Variants in DYRK1A observed in about 807,000 individuals in gnomAD.
The protein encoded by DYRK1A is dual specificity tyrosine phosphorylation regulated kinase 1A.
A neutral mutation model predicts 79.7 loss-of-function variants in DYRK1A; 9 were observed. That is an observed-to-expected ratio of 0.11 (90% CI 0.07 to 0.20). The LOEUF (loss-of-function observed/expected upper bound fraction) is 0.20, where lower values mean the gene tolerates loss of function less well. Among genes scored for constraint, DYRK1A ranks in the 10% least tolerant of loss-of-function variants. DYRK1A has a pLI of 1.00. For missense variants in DYRK1A, 622 were observed against 956.0 expected, an observed-to-expected ratio of 0.65 and a Z score of 4.61; for synonymous variants, 349 against 329.7, an observed-to-expected ratio of 1.06 and a Z score of -0.63.
rs541208005 is a variant in DYRK1A, at chr21:37,515,094, G to A, written c.*2563G>A. 6.6e-6 allele frequency: 1 copy of A among 152,644 alleles called. No homozygotes were observed. The highest frequency in any genetic ancestry group is 1.9e-4 in the East Asian group (1 of 5,184). The allele number at this position is 152,644 out of a possible 1,614,324, so 9.5% of individuals were successfully genotyped here. ...CTAGTCCGGACTTGCTGTGTATATT[G>A]TAACGTTAAATGAAAAAAGAACCCC... On this transcript the variant is annotated 3_prime_UTR_variant, in exon 12 of 12. Transcript: ENST00000647188.
intron 1 of DYRK1A, among the ~76,000 whole-genome samples, chr21:37,389,941 A>G (rs1311404681): frequency 4.8e-5 from 6 of 125,468 alleles, no homozygotes; most frequent in Admixed American, 3.1e-4. Context: ...TTTTTTTTTT[A>G]GAGACAGGGT....
intron 2 of DYRK1A, among the ~76,000 whole-genome samples, chr21:37,422,561 C>G (rs2050504802): frequency 6.6e-6 from 1 of 152,106 alleles, no homozygotes; most frequent in African/African-American, 2.4e-5. Context: ...TTACTCTCAT[C>G]TTTTCCTTGA....
chr21:37,382,503 T>A (rs1257884108), intron 1 of DYRK1A, among the ~76,000 whole-genome samples: 2 of 149,202 alleles, frequency 1.3e-5, no homozygotes, highest in Non-Finnish European at 2.9e-5. Flanking sequence ...TAAACTACTT[T>A]AAACTACTTG....
intron 1 of DYRK1A, among the ~76,000 whole-genome samples, chr21:37,407,933 A>G (rs999185945): frequency 6.6e-6 from 1 of 152,190 alleles, no homozygotes; most frequent in African/African-American, 2.4e-5. Flanking sequence ...TGACATCTGA[A>G]AGGGAGTTTT....
At chr21:37,400,170 A>G (rs531309515) in intron 1 of DYRK1A, among the ~76,000 whole-genome samples, 8 of 151,778 alleles carry the variant, frequency 5.3e-5, no homozygotes, top group African/African-American at 1.5e-4. Flanking sequence ...CATTACCTCA[A>G]TCTCTCCTGC....
intron 1 of DYRK1A, among the ~76,000 whole-genome samples, chr21:37,402,114 TTTA>T (rs750434071): frequency 3.2e-4 from 48 of 152,320 alleles, no homozygotes; most frequent in Middle Eastern, 6.8e-3. Flanking sequence ...TATGTACAAT[TTTA>T]TTATTTTTGC....
chr21:37,444,359 A>G (rs1054906758), intron 2 of DYRK1A, among the ~76,000 whole-genome samples: 1 of 149,514 alleles, frequency 6.7e-6, no homozygotes, highest in Non-Finnish European at 1.5e-5. Context: ...CAGTAACTGC[A>G]GGAAGGATTG....
intron 2 of DYRK1A, among the ~76,000 whole-genome samples, chr21:37,427,704 T>C (rs2050665178): frequency 6.6e-6 from 1 of 152,222 alleles, no homozygotes; most frequent in South Asian, 2.1e-4. Context: ...TATTTTCAAA[T>C]ACCTTTTTAA....
At chr21:37,407,739 T>C (rs1195794790) in intron 1 of DYRK1A, among the ~76,000 whole-genome samples, 1 of 152,230 alleles carries the variant, frequency 6.6e-6, no homozygotes, top group East Asian at 1.9e-4. Flanking sequence ...AGTATGAAGA[T>C]AAAAATCAAA....
At position 37,519,014 on chromosome 21, in the gene DYRK1A, G is replaced by T. The variant is rs901178748; in HGVS notation, c.*6483G>T. 1 of 152,188 alleles carries T rather than the reference G, an allele frequency of 6.6e-6. No homozygotes were observed. Among genetic ancestry groups the T allele is most frequent in the Non-Finnish European group, 1.5e-5 (1 of 68,030 alleles). 9.4% of individuals were successfully genotyped at this position (152,188 alleles called of 1,614,324 possible). ...GTGCATTACAAAATGTTATAAACAAGCCTCCGGGAAAGGCAGAAATTGCCA... is the reference window on the plus strand; with the variant it reads ...GTGCATTACAAAATGTTATAAACAATCCTCCGGGAAAGGCAGAAATTGCCA... On this transcript the variant is annotated 3_prime_UTR_variant, in exon 12 of 12. Transcript: ENST00000647188.
rs116327170 is a variant in DYRK1A at position 37,404,631 on chromosome 21, T to C, written c.-76-15668T>C. ...TGAGCCTCTAGTTCGTTTCACCATGTTGGGAAATTGTTCCCAGACAACCAG... is the reference window on the plus strand; with the variant it reads ...TGAGCCTCTAGTTCGTTTCACCATGCTGGGAAATTGTTCCCAGACAACCAG... On this transcript the variant is annotated intron_variant, in intron 1 of 11. Coordinates refer to ENST00000647188, the MANE Select transcript of DYRK1A (RefSeq NM_001347721.2). Among the ~76,000 whole-genome samples, 1,384 of 152,356 alleles carry C rather than the reference T, an allele frequency of 9.1e-3. 19 individuals carry two copies. The highest frequency in any genetic ancestry group is 0.032 in the African/African-American group (1,328 of 41,586).
intron 1 of DYRK1A, among the ~76,000 whole-genome samples, chr21:37,410,169 TTGAGCAAGAAAA>T (rs1271027036): frequency 2.0e-5 from 3 of 152,184 alleles, no homozygotes; most frequent in African/African-American, 7.2e-5. Flanking sequence ...AGCATGATAT[TTGAGCAAGAAAA>T]ATTTACTGAG....
At chr21:37,465,140 T>C (rs2051981420) in intron 2 of DYRK1A, among the ~76,000 whole-genome samples, 2 of 152,228 alleles carry the variant, frequency 1.3e-5, no homozygotes, top group South Asian at 2.1e-4. Flanking sequence ...GGTGGCTTAA[T>C]CTTTCTTCAC....
Position 37,375,716 on chromosome 21 carries a change from G to A in DYRK1A, c.-77+8088G>A, listed in dbSNP as rs572416979. Among the ~76,000 whole-genome samples the A allele has an allele frequency of 4.1e-4, 62 of 151,716 alleles. No homozygotes were observed. The Middle Eastern group carries it at 0.017, about 42-fold the overall frequency. ...ATTTTTTGTTATTTTTAGTAGAGAC[G>A]GGATTTCACTATGTTGGTCAGACTG... On this transcript the variant is annotated intron_variant, in intron 1 of 11. Coordinates refer to ENST00000647188, the MANE Select transcript of DYRK1A (RefSeq NM_001347721.2).
At chr21:37,402,236 T>G (rs1440239407) in intron 1 of DYRK1A, among the ~76,000 whole-genome samples, 1 of 152,228 alleles carries the variant, frequency 6.6e-6, no homozygotes, top group Non-Finnish European at 1.5e-5. Context: ...TTCCATTTGG[T>G]ATCAGTTTTC....
Position 37,367,523 on chromosome 21 carries a change from C to T in DYRK1A, c.-182C>T, listed in dbSNP as rs889257156. On this transcript the variant is annotated 5_prime_UTR_variant, in exon 1 of 12. Transcript: ENST00000647188. Reference sequence around the variant, plus strand: ...CCGGAGCGCCGGGGGCGGAGAGAGGCTGCCGGGGCGGCGCTGGCTGCGGAG... The same window carrying T: ...CCGGAGCGCCGGGGGCGGAGAGAGGTTGCCGGGGCGGCGCTGGCTGCGGAG... The T allele has an allele frequency of 5.4e-5, 8 of 146,814 alleles. No individual in the cohort carries two copies. The highest frequency in any genetic ancestry group is 2.0e-4 in the African/African-American group (8 of 40,330). 9.1% of individuals were successfully genotyped at this position (146,814 alleles called of 1,614,324 possible).
chr21:37,413,949 T>TA (rs2050288792), intron 1 of DYRK1A, among the ~76,000 whole-genome samples: 2 of 152,164 alleles, frequency 1.3e-5, no homozygotes, highest in Non-Finnish European at 2.9e-5. Flanking sequence ...TAGTGAAAAT[T>TA]AGAAACAAGC....
At chr21:37,411,214 G>C (rs2050237905) in intron 1 of DYRK1A, among the ~76,000 whole-genome samples, 1 of 151,950 alleles carries the variant, frequency 6.6e-6, no homozygotes, top group African/African-American at 2.4e-5. Flanking sequence ...AAATTAGCCA[G>C]GCGTGATGGT....
intron 1 of DYRK1A, among the ~76,000 whole-genome samples, chr21:37,402,490 C>G (rs1402848781): frequency 6.6e-6 from 1 of 152,120 alleles, no homozygotes; most frequent in Non-Finnish European, 1.5e-5. Context: ...TATCTTTATT[C>G]CCTCGATATA....
Sources: gnomAD v4.1 joint callset for allele counts (sites outside exome capture counted in the v4.1 genomes callset) on GRCh38, gnomAD v4.1.1 for gene constraint, MANE v1.5 for transcripts, NCBI Gene and HGNC (gene_info 2026-07-23, HGNC 2026-07-21) for gene names.